The following MECOM variants were observed in gnomAD, a reference collection of about 807,000 sequenced individuals.
MECOM encodes MDS1 and EVI1 complex locus.
In MECOM, 13 loss-of-function variants were observed where a neutral mutation model predicts 116.3. The ratio of observed to expected loss-of-function variants is 0.11; its 90% CI spans 0.07 to 0.18. The LOEUF is 0.18. Among genes scored for constraint, MECOM ranks in the 10% least tolerant of loss-of-function variants. MECOM has a pLI of 1.00. For synonymous variants in MECOM, 528 were observed against 535.2 expected, an observed-to-expected ratio of 0.99 and a Z score of 0.19; for missense variants, 1,299 against 1,509.0, an observed-to-expected ratio of 0.86 and a Z score of 2.31.
chr3:169,538,349 C>G (rs1314978524), intron 1 of MECOM, among the ~76,000 whole-genome samples: 1 of 152,090 alleles, frequency 6.6e-6, no homozygotes, highest in Non-Finnish European at 1.5e-5. Flanking sequence ...AAAATTCTCT[C>G]CACACTATGA....
intron 1 of MECOM, among the ~76,000 whole-genome samples, chr3:169,422,006 T>C (rs1181195951): frequency 6.6e-6 from 1 of 152,172 alleles, no homozygotes; most frequent in Non-Finnish European, 1.5e-5. Flanking sequence ...CGATTTATGC[T>C]TCACTATATA....
chr3:169,235,023 T>C (rs187188451), intron 2 of MECOM, among the ~76,000 whole-genome samples: 131 of 152,248 alleles, frequency 8.6e-4, no homozygotes, highest in Middle Eastern at 3.4e-3. Flanking sequence ...TTTGAAAAAA[T>C]TTATGGGCGT....
At chr3:169,184,805 T>A (rs1285984885) in intron 2 of MECOM, among the ~76,000 whole-genome samples, 1 of 152,182 alleles carries the variant, frequency 6.6e-6, no homozygotes, top group Non-Finnish European at 1.5e-5. Flanking sequence ...AAGGAGACCA[T>A]TTAGAATACT....
intron 1 of MECOM, among the ~76,000 whole-genome samples, chr3:169,417,798 T>A (rs1738937243): frequency 6.6e-6 from 1 of 152,088 alleles, no homozygotes; most frequent in Non-Finnish European, 1.5e-5. Context: ...TGAGTTCATG[T>A]CCTTTGTAGG....
At chr3:169,402,319 T>C (rs758740420) in intron 1 of MECOM, among the ~76,000 whole-genome samples, 7 of 151,966 alleles carry the variant, frequency 4.6e-5, no homozygotes, top group Non-Finnish European at 8.8e-5. Flanking sequence ...TACTGAACAA[T>C]GAATCAGGAG....
chr3:169,275,507 C>G (rs962380930), intron 2 of MECOM, among the ~76,000 whole-genome samples: 6 of 152,120 alleles, frequency 3.9e-5, no homozygotes, highest in African/African-American at 1.2e-4. Flanking sequence ...GATAATGTTC[C>G]AAGGTCACCT....
intron 1 of MECOM, among the ~76,000 whole-genome samples, chr3:169,441,415 TG>T (rs1433303947): frequency 6.6e-6 from 1 of 152,232 alleles, no homozygotes; most frequent in Non-Finnish European, 1.5e-5. Context: ...AGTACAAGCC[TG>T]TTAGCACATT....
At chr3:169,367,591 A>G (rs1012704320) in intron 2 of MECOM, among the ~76,000 whole-genome samples, 2 of 152,052 alleles carry the variant, frequency 1.3e-5, no homozygotes, top group African/African-American at 4.8e-5. Flanking sequence ...GGTTCTAGAA[A>G]CATTGTTTCT....
chr3:169,389,046 T>C (rs1733830470), intron 1 of MECOM, among the ~76,000 whole-genome samples: 1 of 152,226 alleles, frequency 6.6e-6, no homozygotes, highest in Non-Finnish European at 1.5e-5. Context: ...TTTCTCCTGG[T>C]ATTGCGGCAT....
At chr3:169,442,283 A>G (rs1163031194) in intron 1 of MECOM, among the ~76,000 whole-genome samples, 1 of 151,920 alleles carries the variant, frequency 6.6e-6, no homozygotes, top group African/African-American at 2.4e-5. Flanking sequence ...CTGGTCTCGA[A>G]CTCCTGACCT....
chr3:169,247,013 T>G (rs1755667098), intron 2 of MECOM, among the ~76,000 whole-genome samples: 1 of 151,924 alleles, frequency 6.6e-6, no homozygotes, highest in African/African-American at 2.4e-5. Context: ...TTTAAAGAGA[T>G]TTTTTTAAGG....
intron 2 of MECOM, among the ~76,000 whole-genome samples, chr3:169,249,342 TATTCAA>T (rs1560044021): frequency 6.6e-6 from 1 of 152,180 alleles, no homozygotes; most frequent in African/African-American, 2.4e-5. Flanking sequence ...TGCTGATAAA[TATTCAA>T]AGAAAAAGAC....
At chr3:169,201,591 G>C (rs77977888) in intron 2 of MECOM, among the ~76,000 whole-genome samples, 1,972 of 152,130 alleles carry the variant, frequency 0.013, 54 homozygotes, top group African/African-American at 0.046. Flanking sequence ...TGGGTTCAAA[G>C]CCTAGTTGTA....
At chr3:169,351,210 T>C (rs1451107152) in intron 2 of MECOM, among the ~76,000 whole-genome samples, 5 of 151,862 alleles carry the variant, frequency 3.3e-5, no homozygotes. Flanking sequence ...ATTCTGACAA[T>C]CCCTTTGCTG....
At chr3:169,283,847 C>T (rs556979697) in intron 2 of MECOM, among the ~76,000 whole-genome samples, 3 of 152,250 alleles carry the variant, frequency 2.0e-5, no homozygotes, top group Admixed American at 6.5e-5. Flanking sequence ...TGGCAAATGG[C>T]TTCTACTGAT....
intron 2 of MECOM, among the ~76,000 whole-genome samples, chr3:169,276,252 T>A (rs549987019): frequency 6.6e-6 from 1 of 152,274 alleles, no homozygotes; most frequent in East Asian, 1.9e-4. Context: ...ACTATGTTTT[T>A]GTTTAAAAAT....
chr3:169,308,978 G>A (rs569807408), intron 2 of MECOM, among the ~76,000 whole-genome samples: 9 of 152,268 alleles, frequency 5.9e-5, no homozygotes, highest in African/African-American at 1.7e-4. Context: ...TTTAACTCAA[G>A]TGGCCAAGTT....
chr3:169,450,660 C>T (rs1745412784), intron 1 of MECOM, among the ~76,000 whole-genome samples: 5 of 152,190 alleles, frequency 3.3e-5, no homozygotes, highest in African/African-American at 1.2e-4. Context: ...TGAAGGGAGC[C>T]TTCATTCTTT....
At chr3:169,518,615 G>T (rs565582004) in intron 1 of MECOM, among the ~76,000 whole-genome samples, 9 of 152,172 alleles carry the variant, frequency 5.9e-5, no homozygotes, top group Admixed American at 5.2e-4. Flanking sequence ...TTGTTTGCTT[G>T]TTTCCTTGCC....
Sources: allele counts gnomAD v4.1 joint callset (sites outside exome capture counted in the v4.1 genomes callset), GRCh38; gene constraint gnomAD v4.1.1; transcripts MANE v1.5; gene names NCBI Gene and HGNC (gene_info 2026-07-23, HGNC 2026-07-21).